TTLL4: variants seen among roughly 807,000 people sequenced by gnomAD.
The protein encoded by TTLL4 is tubulin tyrosine ligase like 4, also known as tubulin monoglutamylase TTLL4.
TTLL4 carries 85 observed loss-of-function variants against 122.7 expected under a neutral mutation model. That is an observed-to-expected ratio of 0.69 (90% CI 0.58 to 0.83). The LOEUF (loss-of-function observed/expected upper bound fraction) is 0.83. TTLL4 is among the 40% of genes least tolerant of loss of function. The pLI is 0.00. For synonymous variants in TTLL4, 553 were observed against 563.0 expected (o/e 0.98, Z 0.25); for missense variants, 1,363 against 1,488.6 (o/e 0.92, Z 1.39).
chr2:218,746,734 T>G, intron 8 of TTLL4: 1 of 493,176 alleles, frequency 2.0e-6, no homozygotes, highest in Non-Finnish European at 3.6e-6. Flanking sequence ...TCCCATAGGG[T>G]TTCATGGATA....
chr2:218,734,915 C>T (rs947425821), intron 2 of TTLL4, among the ~76,000 whole-genome samples: 8 of 152,112 alleles, frequency 5.3e-5, no homozygotes, highest in African/African-American at 9.7e-5. Flanking sequence ...GTTCCAAGCA[C>T]GGTATTTCCA....
chr2:218,752,668 C>T, intron 16 of TTLL4, 95 bp from the exon 17 acceptor site: 1 of 1,358,516 alleles, frequency 7.4e-7, no homozygotes, highest in South Asian at 1.2e-5. Flanking sequence ...GCTGTAGGAC[C>T]CCAGGGGTGT....
Position 218,754,142 on chromosome 2 carries a change from G to A in TTLL4, c.3353G>A (p.Ser1118Asn). ...CCACCTATTCCCTCCAGAAAACAAA[G>A]CTCCTGTGAGGTTAGCCTACTACTC... ...KSETSKLGKQ[S>N]SCEVSLLLSE... Residue 1118 changes from serine to asparagine, a missense_variant, in exon 20 of 20, where the codon AGC becomes AAC. Ser to Asn is a conservative substitution (Grantham distance 46). Transcript: ENST00000392102. 6.2e-7 allele frequency: 1 copy of A among 1,614,082 alleles called. No individual in the cohort carries two copies. The highest frequency in any genetic ancestry group is 1.6e-4 in the Middle Eastern group (1 of 6,062).
At chr2:218,746,683 G>T in intron 8 of TTLL4, 1 of 403,158 alleles carries the variant, frequency 2.5e-6, no homozygotes. Context: ...TGAGTCCCTT[G>T]CCTCCAGACT....
intron 3 of TTLL4, 78 bp downstream of exon 3, chr2:218,739,241 C>A: frequency 6.7e-7 from 1 of 1,485,326 alleles, no homozygotes; most frequent in Non-Finnish European, 8.9e-7. Context: ...CGACCCTGTA[C>A]CTCTGAAGGT....
intron 1 of TTLL4, among the ~76,000 whole-genome samples, chr2:218,724,401 T>C (rs1367965005): frequency 2.0e-5 from 3 of 152,160 alleles, no homozygotes; most frequent in African/African-American, 7.2e-5. Context: ...TACTTCTTGC[T>C]CCATTACCTG....
At chr2:218,748,065 GTT>G in intron 11 of TTLL4, 38 bp from the exon 12 acceptor site, 1 of 1,613,702 alleles carries the variant, frequency 6.2e-7, no homozygotes, top group South Asian at 1.1e-5. Context: ...CATCTGCTCT[GTT>G]ACCATCTTAC....
chr2:218,732,474 C>T (rs1374173036), intron 2 of TTLL4, among the ~76,000 whole-genome samples: 3 of 152,118 alleles, frequency 2.0e-5, no homozygotes, highest in African/African-American at 4.8e-5. Flanking sequence ...CAGGTGTCAT[C>T]GTAGGAGGGC....
intron 5 of TTLL4, among the ~76,000 whole-genome samples, chr2:218,742,975 T>A (rs1056300388): frequency 2.0e-5 from 3 of 151,908 alleles, no homozygotes; most frequent in African/African-American, 7.3e-5. Flanking sequence ...ATACAACATA[T>A]TTTACTAAAA....
At chr2:218,751,502 A>G (rs1032911241) in intron 15 of TTLL4, 5 of 571,150 alleles carry the variant, frequency 8.8e-6, no homozygotes, top group Admixed American at 1.3e-4. Flanking sequence ...GGTGGTTTGT[A>G]TCCTTTTACT....
At chr2:218,729,747 TTAAAA>T (rs1942303788) in intron 2 of TTLL4, among the ~76,000 whole-genome samples, 1 of 93,574 alleles carries the variant, frequency 1.1e-5, no homozygotes, top group African/African-American at 6.1e-5. Context: ...CTCTCTCTTT[TTAAAA>T]AAAAAAAAAA....
chr2:218,754,263 C>T lies in TTLL4; in HGVS notation c.3474C>T (p.Thr1158=). 6.2e-7 allele frequency: 1 copy of T among 1,614,192 alleles called. No individual in the cohort carries two copies. The highest frequency in any genetic ancestry group is 1.7e-5 in the Admixed American group (1 of 60,020). The change falls in exon 20 of 20, where the codon ACC becomes ACT. Residue 1158 remains threonine, a synonymous_variant. Transcript: ENST00000392102. The stretch of plus-strand genomic sequence containing the variant: ...GTTCCTCAAAGGACAGTGAGGACAC[C>T]AGCAAAGAGCCCAGCCTTTCTACCC... ...KPSSSKDSED[T]SKEPSLSTQT...
chr2:218,747,161 G>T lies in TTLL4; in HGVS notation c.2133G>T (p.Glu711Asp). 1 of 1,614,212 alleles carries T rather than the reference G, an allele frequency of 6.2e-7. No homozygotes were observed. The highest frequency in any genetic ancestry group is 1.6e-4 in the Middle Eastern group (1 of 6,062). ...CCAAGCTCCTGCGCAAAGCGTGGGA[G>T]AGCAGCAGCCGCCAAAAGTGGATTG... ...QDAKLLRKAW[E>D]SSSRQKWIVK... The change falls in exon 9 of 20, where the codon GAG becomes GAT. Residue 711 changes from glutamate (E) to aspartate (D), a missense_variant. Coordinates refer to ENST00000392102, the MANE Select transcript of TTLL4 (RefSeq NM_014640.5). The surrounding 1 kb of genome is among the most constrained non-coding windows in gnomAD (Gnocchi z 4.7).
intron 5 of TTLL4, among the ~76,000 whole-genome samples, chr2:218,742,388 T>G (rs1206798526): frequency 6.6e-6 from 1 of 152,226 alleles, no homozygotes; most frequent in African/African-American, 2.4e-5. Context: ...TATGGAAAAT[T>G]TGGCAACCAC....
chr2:218,744,345 A>C (rs1319822221), intron 5 of TTLL4, among the ~76,000 whole-genome samples: 1 of 152,198 alleles, frequency 6.6e-6, no homozygotes, highest in Non-Finnish European at 1.5e-5. Context: ...AGTTAAAGGA[A>C]TGATCTTGGT....
chr2:218,749,689 G>A (rs1003082642), intron 14 of TTLL4, among the ~76,000 whole-genome samples: 7 of 152,062 alleles, frequency 4.6e-5, no homozygotes, highest in Non-Finnish European at 7.4e-5. Flanking sequence ...GGACGGTCTC[G>A]ATCTCCTGAC....
At chr2:218,739,809 A>G (rs996746764) in intron 3 of TTLL4, among the ~76,000 whole-genome samples, 1 of 152,256 alleles carries the variant, frequency 6.6e-6, no homozygotes, top group Non-Finnish European at 1.5e-5. Context: ...TTGTACTTAT[A>G]TGCTATGAGG....
chr2:218,716,025 C>CT (rs1267057607), intron 1 of TTLL4, among the ~76,000 whole-genome samples: 1 of 152,174 alleles, frequency 6.6e-6, no homozygotes, highest in Non-Finnish European at 1.5e-5. Context: ...TACTGGTTCA[C>CT]TGAGTTATGC....
intron 5 of TTLL4, 93 bp from the exon 6 acceptor site, chr2:218,745,016 C>A (rs1334651432): frequency 1.3e-6 from 2 of 1,509,864 alleles, no homozygotes; most frequent in Admixed American, 4.2e-5. Context: ...AGTTAAAAGA[C>A]AGCACTTGGA....
Sources: gnomAD v4.1 joint callset for allele counts (sites outside exome capture counted in the v4.1 genomes callset) on GRCh38, gnomAD v4.1.1 for gene constraint, Gnocchi (gnomAD v3.1) non-coding constraint, MANE v1.5 for transcripts, NCBI Gene and HGNC (gene_info 2026-07-23, HGNC 2026-07-21) for gene names.